Variants in VEGFC observed in about 807,000 individuals in gnomAD.
VEGFC encodes vascular endothelial growth factor C.
VEGFC carries 12 observed loss-of-function variants against 46.1 expected under a neutral mutation model. The ratio of observed to expected loss-of-function variants is 0.26; its 90% CI spans 0.17 to 0.42. VEGFC has a LOEUF of 0.42. Among genes scored for constraint, VEGFC ranks in the 10% least tolerant of loss-of-function variants. VEGFC has a pLI of 1.00. For synonymous variants in VEGFC, 232 were observed against 195.5 expected, an observed-to-expected ratio of 1.19 and a Z score of -1.56; for missense variants, 488 against 529.4, an observed-to-expected ratio of 0.92 and a Z score of 0.77.
intron 3 of VEGFC, among the ~76,000 whole-genome samples, chr4:176,719,183 T>C (rs998914957): frequency 6.6e-6 from 1 of 152,204 alleles, no homozygotes; most frequent in African/African-American, 2.4e-5. Flanking sequence ...CTATGAAGTA[T>C]CTATAAAAAA....
At chr4:176,745,178 A>G (rs1445539020) in intron 1 of VEGFC, among the ~76,000 whole-genome samples, 1 of 152,104 alleles carries the variant, frequency 6.6e-6, no homozygotes, top group African/African-American at 2.4e-5. Flanking sequence ...GGCTTTATCA[A>G]TTCCTTTATA....
intron 1 of VEGFC, among the ~76,000 whole-genome samples, chr4:176,773,883 T>TG (rs1414044072): frequency 2.6e-5 from 4 of 152,042 alleles, no homozygotes. Context: ...TTTGTAGAGA[T>TG]GGGGTCTCAC....
intron 1 of VEGFC, among the ~76,000 whole-genome samples, chr4:176,780,243 T>C (rs1735888332): frequency 1.3e-5 from 2 of 152,044 alleles, no homozygotes; most frequent in Admixed American, 1.3e-4. Flanking sequence ...TAGCCTGGCA[T>C]GGTGGTGCGT....
At position 176,711,487 on chromosome 4, in the gene VEGFC, A is replaced by C. The variant is rs1331882220; in HGVS notation, c.704+12T>G. 3.1e-6 allele frequency: 5 copies of C among 1,600,762 alleles called. No individual in the cohort carries two copies. Among genetic ancestry groups the C allele is most frequent in the Non-Finnish European group, 4.3e-6 (5 of 1,174,484 alleles). On this transcript the variant is annotated intron_variant, in intron 4 of 6. Transcript: ENST00000618562. ...AGAGGATGCAGAAAAAATAGATTTAATTCATACTCACTGTGGTAGTGTTGC... is the reference window on the plus strand; with the variant it reads ...AGAGGATGCAGAAAAAATAGATTTACTTCATACTCACTGTGGTAGTGTTGC...
intron 4 of VEGFC, among the ~76,000 whole-genome samples, chr4:176,693,047 G>C (rs1271143107): frequency 3.9e-5 from 6 of 152,052 alleles, no homozygotes; most frequent in Admixed American, 3.9e-4. Flanking sequence ...CAGAAAAACT[G>C]GAAAGTCTAA....
At chr4:176,775,805 G>C (rs1164116994) in intron 1 of VEGFC, among the ~76,000 whole-genome samples, 1 of 152,014 alleles carries the variant, frequency 6.6e-6, no homozygotes, top group East Asian at 1.9e-4. Flanking sequence ...TCTCATCCAA[G>C]TTTGTCCTCT....
chr4:176,726,972 C>T (rs1217894787), intron 3 of VEGFC, among the ~76,000 whole-genome samples: 2 of 152,150 alleles, frequency 1.3e-5, no homozygotes, highest in Non-Finnish European at 2.9e-5. Flanking sequence ...TTTTGTCTTT[C>T]GGGAGAAGTT....
chr4:176,769,410 C>T (rs553092306), intron 1 of VEGFC, among the ~76,000 whole-genome samples: 1 of 152,248 alleles, frequency 6.6e-6, no homozygotes, highest in African/African-American at 2.4e-5. Flanking sequence ...GTGACCATCA[C>T]AGAAAAGCTC....
intron 1 of VEGFC, among the ~76,000 whole-genome samples, chr4:176,783,717 G>C (rs1735951331): frequency 6.6e-6 from 1 of 152,220 alleles, no homozygotes; most frequent in Admixed American, 6.5e-5. Flanking sequence ...CAGGGGAAGT[G>C]GGAACATATT....
chr4:176,714,402 C>T (rs1380128738), intron 3 of VEGFC, among the ~76,000 whole-genome samples: 1 of 152,162 alleles, frequency 6.6e-6, no homozygotes, highest in Non-Finnish European at 1.5e-5. Context: ...GAGCAAATGC[C>T]AGCATCATGC....
At chr4:176,779,235 A>C (rs1383781988) in intron 1 of VEGFC, among the ~76,000 whole-genome samples, 4 of 152,194 alleles carry the variant, frequency 2.6e-5, no homozygotes, top group Non-Finnish European at 4.4e-5. Flanking sequence ...AAAGAATTTA[A>C]ATTTAAATTT....
Position 176,756,234 on chromosome 4 carries a change from G to T in VEGFC, c.148-26488C>A, listed in dbSNP as rs1735430595. On this transcript the variant is annotated intron_variant, in intron 1 of 6. Coordinates refer to ENST00000618562, the MANE Select transcript of VEGFC (RefSeq NM_005429.5). ...TCTTATTTAATAAAATGTACTAAAT[G>T]CTTATAAGCTATTTTTTGAATGTCA... 2.0e-5 allele frequency among the ~76,000 whole-genome samples: 3 copies of T among 151,984 alleles called. No individual in the cohort carries two copies. In the South Asian group the frequency reaches 6.2e-4, roughly 32 times the overall value.
intron 1 of VEGFC, among the ~76,000 whole-genome samples, chr4:176,736,987 T>A (rs1735067036): frequency 6.6e-6 from 1 of 151,142 alleles, no homozygotes; most frequent in African/African-American, 2.4e-5. Flanking sequence ...AACTAATGTT[T>A]TTATTTTAAG....
chr4:176,788,787 G>A lies in VEGFC; in HGVS notation c.147+3378C>T, dbSNP rs112912332. ...GTCCTAAATAGAACCATTCTAAGTC[G>A]GGGACTGTTGGTATATGCCATAAAA... is the stretch of plus-strand genomic sequence containing the variant. On this transcript the variant is annotated intron_variant, in intron 1 of 6. Transcript: ENST00000618562. Among the ~76,000 whole-genome samples the A allele has an allele frequency of 5.4e-4, 82 of 152,110 alleles. 1 individual carries two copies. The highest frequency in any genetic ancestry group is 1.9e-3 in the African/African-American group (78 of 41,492).
chr4:176,724,374 G>A (rs1734839162), intron 3 of VEGFC, among the ~76,000 whole-genome samples: 1 of 152,194 alleles, frequency 6.6e-6, no homozygotes, highest in South Asian at 2.1e-4. Flanking sequence ...TTCTGTGGTA[G>A]GCACTGGGAT....
chr4:176,742,525 C>T (rs984957787), intron 1 of VEGFC, among the ~76,000 whole-genome samples: 1 of 151,856 alleles, frequency 6.6e-6, no homozygotes, highest in Non-Finnish European at 1.5e-5. Context: ...TATTGTTTTC[C>T]TTAGGATTGA....
intron 6 of VEGFC, among the ~76,000 whole-genome samples, chr4:176,686,774 A>T (rs1734049546): frequency 6.6e-6 from 1 of 152,134 alleles, no homozygotes; most frequent in Non-Finnish European, 1.5e-5. Context: ...TCATTTCCAG[A>T]TATAATTCTA....
chr4:176,706,532 C>T (rs1241563136), intron 4 of VEGFC, among the ~76,000 whole-genome samples: 2 of 138,602 alleles, frequency 1.4e-5, no homozygotes, highest in Admixed American at 1.6e-4. Context: ...GAGGATGAGG[C>T]AGAGAATTGC....
rs899424918 is a variant in VEGFC, at chr4:176,730,666, G to A, written c.148-920C>T. Among the ~76,000 whole-genome samples, 9 of 151,956 alleles carry A rather than the reference G, an allele frequency of 5.9e-5. No homozygotes were observed. In the South Asian group the frequency reaches 1.7e-3, roughly 28 times the overall value. ...CAATGAACTAACTGTCAGAAATGCA[G>A]GTAACTGTCCCCCACCTCTCCATGG... On this transcript the variant is annotated intron_variant, in intron 1 of 6. Coordinates refer to ENST00000618562, the MANE Select transcript of VEGFC (RefSeq NM_005429.5).
Sources: gnomAD v4.1 joint callset for allele counts (sites outside exome capture counted in the v4.1 genomes callset) on GRCh38, gnomAD v4.1.1 for gene constraint, MANE v1.5 for transcripts, NCBI Gene and HGNC (gene_info 2026-07-23, HGNC 2026-07-21) for gene names.